SAMD5: variants seen among roughly 807,000 people sequenced by gnomAD.
SAMD5 encodes sterile alpha motif domain containing 5.
Under a neutral mutation model 11.3 loss-of-function variants are expected in SAMD5, and 13 were observed. The observed-to-expected ratio is 1.15, with a 90% CI of 0.75 to 1.83. SAMD5 has a LOEUF of 1.83. Ranked by LOEUF, SAMD5 falls within the 40% of genes most tolerant of loss-of-function variation. SAMD5 has a pLI of 0.00. For synonymous variants in SAMD5, 129 were observed against 111.3 expected (o/e 1.16, Z -1.00); for missense variants, 255 against 239.1 (o/e 1.07, Z -0.44).
chr6:147,620,487 C>G (rs1471603537), intron 1 of SAMD5, among the ~76,000 whole-genome samples: 2 of 152,206 alleles, frequency 1.3e-5, no homozygotes, highest in Non-Finnish European at 2.9e-5. Context: ...GGCAGAAATT[C>G]TGCCTTCAAA....
intron 1 of SAMD5, among the ~76,000 whole-genome samples, chr6:147,630,141 G>T (rs1332559424): frequency 1.3e-5 from 2 of 151,878 alleles, no homozygotes; most frequent in African/African-American, 2.4e-5. Context: ...TAGAGACGAG[G>T]TTTCTCCATG....
the SAMD5 span, among the ~76,000 whole-genome samples, chr6:147,840,554 G>T: frequency 1.3e-5 from 2 of 152,202 alleles, no homozygotes; most frequent in Non-Finnish European, 2.9e-5. Flanking sequence ...GGATAAAAGG[G>T]CTGAAGTAAC....
At chr6:147,634,597 T>C (rs991544201) in intron 1 of SAMD5, among the ~76,000 whole-genome samples, 2 of 152,238 alleles carry the variant, frequency 1.3e-5, no homozygotes, top group East Asian at 1.9e-4. Flanking sequence ...TGTATGGATA[T>C]ACCACATTTT....
chr6:147,870,815 G>A, the SAMD5 span, among the ~76,000 whole-genome samples: 1 of 138,172 alleles, frequency 7.2e-6, no homozygotes, highest in South Asian at 2.6e-4. Context: ...GGGGAGGGAG[G>A]AGGAGGGGAG....
intron 1 of SAMD5, among the ~76,000 whole-genome samples, chr6:147,734,798 C>G (rs1038899453): frequency 5.9e-5 from 8 of 135,164 alleles, no homozygotes; most frequent in African/African-American, 8.0e-5. Flanking sequence ...AAAAGGCACA[C>G]ATAGATACTC....
At chr6:147,879,585 C>T in the SAMD5 span, among the ~76,000 whole-genome samples, 2 of 152,114 alleles carry the variant, frequency 1.3e-5, no homozygotes, top group Admixed American at 6.6e-5. Context: ...ATGGATTGCC[C>T]TTATAGTTTT....
chr6:147,694,424 G>T (rs1479700218), intron 1 of SAMD5, among the ~76,000 whole-genome samples: 2 of 152,114 alleles, frequency 1.3e-5, no homozygotes, highest in African/African-American at 2.4e-5. Context: ...TTTGCTCATG[G>T]GATGTGATAG....
At chr6:147,756,002 A>G in the SAMD5 span, among the ~76,000 whole-genome samples, 1 of 152,134 alleles carries the variant, frequency 6.6e-6, no homozygotes, top group Admixed American at 6.6e-5. Context: ...TAGAACCTAT[A>G]TTACGTTTTT....
At chr6:147,818,386 C>T in the SAMD5 span, among the ~76,000 whole-genome samples, 1 of 152,184 alleles carries the variant, frequency 6.6e-6, no homozygotes, top group Non-Finnish European at 1.5e-5. Flanking sequence ...GATGGTTTTG[C>T]AGGCACATAC....
At chr6:147,607,574 T>A (rs1789722241) in intron 1 of SAMD5, among the ~76,000 whole-genome samples, 1 of 152,022 alleles carries the variant, frequency 6.6e-6, no homozygotes, top group Admixed American at 6.6e-5. Context: ...GGATATACAC[T>A]GGGGGATATC....
chr6:147,700,107 C>T (rs1463531972), intron 1 of SAMD5, among the ~76,000 whole-genome samples: 1 of 152,082 alleles, frequency 6.6e-6, no homozygotes, highest in Non-Finnish European at 1.5e-5. Flanking sequence ...ACCCATGCTT[C>T]CTTTCGATTA....
At chr6:147,627,589 G>C (rs1583113045) in intron 1 of SAMD5, among the ~76,000 whole-genome samples, 1 of 152,122 alleles carries the variant, frequency 6.6e-6, no homozygotes, top group African/African-American at 2.4e-5. Context: ...ACACTGCCCG[G>C]TGTGAATATT....
At chr6:147,943,141 C>T in the SAMD5 span, among the ~76,000 whole-genome samples, 1 of 152,078 alleles carries the variant, frequency 6.6e-6, no homozygotes, top group Non-Finnish European at 1.5e-5. Context: ...CTTCATCTTG[C>T]CTGAGAGTAT....
the SAMD5 span, among the ~76,000 whole-genome samples, chr6:147,903,048 T>C: frequency 6.6e-6 from 1 of 152,194 alleles, no homozygotes; most frequent in Admixed American, 6.5e-5. Flanking sequence ...CCATCTATAA[T>C]ATCAAAAGGT....
chr6:147,580,039 G>C (rs541723200), intron 1 of SAMD5, among the ~76,000 whole-genome samples: 5 of 152,152 alleles, frequency 3.3e-5, no homozygotes, highest in Admixed American at 1.3e-4. Flanking sequence ...CAAAATGCAA[G>C]TCCCTCATAA....
At chr6:147,899,045 G>A in the SAMD5 span, among the ~76,000 whole-genome samples, 26 of 151,674 alleles carry the variant, frequency 1.7e-4, 1 homozygote. Flanking sequence ...GCCAGGCGTG[G>A]TGGCAGGCAC....
chr6:147,521,578 T>C (rs1207895271), intron 1 of SAMD5, among the ~76,000 whole-genome samples: 2 of 152,110 alleles, frequency 1.3e-5, no homozygotes, highest in Non-Finnish European at 2.9e-5. Flanking sequence ...ATTTAGTCTT[T>C]GTAAACCTGA....
chr6:147,769,562 A>T, the SAMD5 span, among the ~76,000 whole-genome samples: 1 of 152,232 alleles, frequency 6.6e-6, no homozygotes, highest in Admixed American at 6.5e-5. Context: ...TTAATAGATT[A>T]TAATCATTTG....
chr6:147,625,039 G>A (rs1049199352), intron 1 of SAMD5, among the ~76,000 whole-genome samples: 2 of 152,194 alleles, frequency 1.3e-5, no homozygotes, highest in Non-Finnish European at 2.9e-5. Flanking sequence ...GGTAGAAGCA[G>A]GCGTGACACT....
Sources: allele counts gnomAD v4.1 joint callset (sites outside exome capture counted in the v4.1 genomes callset), GRCh38; gene constraint gnomAD v4.1.1; transcripts MANE v1.5; gene names NCBI Gene and HGNC (gene_info 2026-07-23, HGNC 2026-07-21).